Variants in SLC27A6 observed in about 807,000 individuals in gnomAD.
The protein encoded by SLC27A6 is solute carrier family 27 member 6.
Under a neutral mutation model 63.9 loss-of-function variants are expected in SLC27A6, and 74 were observed. The observed-to-expected ratio is 1.16, with a 90% CI of 0.96 to 1.40. SLC27A6 has a LOEUF of 1.40. Among genes scored for constraint, SLC27A6 ranks in the 40% most tolerant of loss-of-function variants. The pLI, the probability that SLC27A6 is intolerant of heterozygous loss-of-function variation, is 0.00. For synonymous variants in SLC27A6, 287 were observed against 260.8 expected, an observed-to-expected ratio of 1.10 and a Z score of -0.97; for missense variants, 794 against 732.9, an observed-to-expected ratio of 1.08 and a Z score of -0.96.
chr5:129,002,930 T>C (rs77358472), intron 4 of SLC27A6, among the ~76,000 whole-genome samples: 1 of 152,338 alleles, frequency 6.6e-6, no homozygotes, highest in East Asian at 1.9e-4. Context: ...TCTGTATTTG[T>C]CCTCTTTCTT....
chr5:129,005,689 T>G (rs1751498738), intron 4 of SLC27A6, among the ~76,000 whole-genome samples: 1 of 137,928 alleles, frequency 7.3e-6, no homozygotes, highest in Admixed American at 8.4e-5. Context: ...CTCGGCTCAC[T>G]GCAAGCTCCG....
chr5:129,033,029 C>T lies in SLC27A6; in HGVS notation c.1684-77C>T, dbSNP rs927512027. 5 of 772,376 alleles carry T rather than the reference C, an allele frequency of 6.5e-6. No individual in the cohort carries two copies. The South Asian group carries it at 8.7e-5, about 13-fold the overall frequency. 47.8% of individuals were successfully genotyped at this position (772,376 alleles called of 1,614,324 possible). A position where few individuals can be genotyped will look rare whatever the true frequency, so the allele number is the denominator to read the frequency against. ...TATAAAGTGTCATAATTTAATATTA[C>T]AGTCTATAGTATTAACTATATATGT... is the stretch of plus-strand genomic sequence containing the variant. On this transcript the variant is annotated intron_variant, in intron 9 of 9. Coordinates refer to ENST00000262462, the MANE Select transcript of SLC27A6 (RefSeq NM_001017372.3).
chr5:129,014,139 G>A (rs1751814515), intron 4 of SLC27A6, among the ~76,000 whole-genome samples: 1 of 152,142 alleles, frequency 6.6e-6, no homozygotes, highest in African/African-American at 2.4e-5. Flanking sequence ...TCATCTTTTA[G>A]TATGTAGACT....
intron 1 of SLC27A6, among the ~76,000 whole-genome samples, chr5:128,970,089 A>C (rs4615336): frequency 0.72 from 99,834 of 139,576 alleles, 36,418 homozygotes; most frequent in East Asian, 0.88. Flanking sequence ...TGTGCTGAAC[A>C]AGCCTTGCAT....
chr5:129,001,950 G>GT (rs1009073385), intron 4 of SLC27A6, among the ~76,000 whole-genome samples: 2 of 152,214 alleles, frequency 1.3e-5, no homozygotes, highest in Non-Finnish European at 2.9e-5. Context: ...TCAACTTACT[G>GT]TGCAGCAGCT....
intron 4 of SLC27A6, among the ~76,000 whole-genome samples, chr5:129,005,024 C>A (rs1751473647): frequency 6.6e-6 from 1 of 152,228 alleles, no homozygotes; most frequent in Non-Finnish European, 1.5e-5. Flanking sequence ...CGCTAACTTT[C>A]CATCCATCAT....
intron 1 of SLC27A6, among the ~76,000 whole-genome samples, chr5:128,972,873 T>C (rs1283452584): frequency 1.3e-5 from 2 of 152,244 alleles, no homozygotes; most frequent in African/African-American, 4.8e-5. Context: ...ATTTTCAGCT[T>C]TTCTGCTCTG....
intron 4 of SLC27A6, among the ~76,000 whole-genome samples, chr5:128,996,966 TTC>T (rs1751181802): frequency 6.6e-6 from 1 of 152,130 alleles, no homozygotes; most frequent in Non-Finnish European, 1.5e-5. Flanking sequence ...ATTCTATTTA[TTC>T]TTTTTTCTTT....
chr5:128,990,847 G>C (rs1023815790), intron 4 of SLC27A6, among the ~76,000 whole-genome samples: 1 of 152,208 alleles, frequency 6.6e-6, no homozygotes, highest in African/African-American at 2.4e-5. Flanking sequence ...CCTCTAGCCC[G>C]ATTGGGAGCG....
At chr5:128,975,503 A>G (rs1390178206) in intron 1 of SLC27A6, among the ~76,000 whole-genome samples, 1 of 152,100 alleles carries the variant, frequency 6.6e-6, no homozygotes, top group Non-Finnish European at 1.5e-5. Context: ...ACAAACTTGT[A>G]CCAGGATATT....
chr5:128,976,300 G>C (rs1412168979), intron 1 of SLC27A6, among the ~76,000 whole-genome samples: 1 of 152,164 alleles, frequency 6.6e-6, no homozygotes, highest in African/African-American at 2.4e-5. Flanking sequence ...CCTGAGGTCA[G>C]GAGTTCGAGA....
At chr5:128,967,523 TG>T (rs1290725117) in intron 1 of SLC27A6, among the ~76,000 whole-genome samples, 1 of 152,158 alleles carries the variant, frequency 6.6e-6, no homozygotes, top group Non-Finnish European at 1.5e-5. Flanking sequence ...ACCAATACCT[TG>T]TATAAAGTTT....
At chr5:129,029,453 C>G (rs954726937) in intron 8 of SLC27A6, 124 bp from the exon 9 acceptor site, 7 of 635,646 alleles carry the variant, frequency 1.1e-5, no homozygotes, top group Admixed American at 6.9e-5. Flanking sequence ...AGTTTATGCT[C>G]CTGTTGTCTT....
intron 5 of SLC27A6, among the ~76,000 whole-genome samples, chr5:129,022,597 A>C (rs1331826815): frequency 6.6e-6 from 1 of 151,826 alleles, no homozygotes; most frequent in Non-Finnish European, 1.5e-5. Context: ...TATTACATTC[A>C]TGTTAGTTTA....
chr5:129,013,502 G>A (rs1181970), intron 4 of SLC27A6, among the ~76,000 whole-genome samples: 39,047 of 151,956 alleles, frequency 0.26, 5,940 homozygotes, highest in Middle Eastern at 0.36. Flanking sequence ...TTGTTGAAAT[G>A]TCAGCCATAA....
intron 6 of SLC27A6, among the ~76,000 whole-genome samples, chr5:129,026,456 T>TTTC (rs945407222): frequency 2.6e-5 from 4 of 152,168 alleles, no homozygotes; most frequent in Admixed American, 2.6e-4. Flanking sequence ...GTCTCATCTC[T>TTTC]TTCCCATCAA....
At chr5:129,010,460 A>G (rs1001603473) in intron 4 of SLC27A6, among the ~76,000 whole-genome samples, 2 of 152,196 alleles carry the variant, frequency 1.3e-5, no homozygotes, top group Non-Finnish European at 2.9e-5. Flanking sequence ...GGTGGATACA[A>G]TATAATCGTA....
intron 4 of SLC27A6, among the ~76,000 whole-genome samples, chr5:129,014,985 GAAAT>G (rs1450313446): frequency 1.2e-4 from 18 of 152,134 alleles, no homozygotes; most frequent in Non-Finnish European, 1.9e-4. Flanking sequence ...TAGAGAAACT[GAAAT>G]AAATAATGTG....
chr5:129,021,412 A>C (rs1208519641), intron 5 of SLC27A6, among the ~76,000 whole-genome samples: 6 of 152,256 alleles, frequency 3.9e-5, no homozygotes, highest in Non-Finnish European at 8.8e-5. Context: ...AATCAAGGAA[A>C]TTAACTTTGC....
Sources: allele counts gnomAD v4.1 joint callset (sites outside exome capture counted in the v4.1 genomes callset), GRCh38; gene constraint gnomAD v4.1.1; transcripts MANE v1.5; gene names NCBI Gene and HGNC (gene_info 2026-07-23, HGNC 2026-07-21).